The following TTC23L variants were observed in gnomAD, a reference collection of about 807,000 sequenced individuals.
TTC23L encodes the protein tetratricopeptide repeat protein 23-like.
Under a neutral mutation model 48.1 loss-of-function variants are expected in TTC23L, and 42 were observed. That is an observed-to-expected ratio of 0.87 (90% CI 0.68 to 1.13). The LOEUF is 1.13. TTC23L is among the 50% of genes most tolerant of loss of function. The probability of loss-of-function intolerance (pLI) is 0.00; values close to 1 mark genes in which losing one functional copy is unlikely to be tolerated. For missense variants in TTC23L, 391 were observed against 421.0 expected (o/e 0.93, Z 0.62); for synonymous variants, 159 against 157.2 (o/e 1.01, Z -0.09).
At chr5:34,845,742 C>A (rs1237213246) in intron 3 of TTC23L, 69 bp downstream of exon 3, 2 of 1,431,332 alleles carry the variant, frequency 1.4e-6, no homozygotes, top group Non-Finnish European at 1.9e-6. Context: ...GAAGCTTTGC[C>A]TTCGATGCAG....
exon 9 of TTC23L, chr5:34,880,280 A>T: frequency 6.2e-7 from 1 of 1,612,698 alleles, no homozygotes; most frequent in South Asian, 1.1e-5. Context: ...GAATTTTGCA[A>T]ATGGCTTGTC....
the TTC23L span, among the ~76,000 whole-genome samples, chr5:34,911,326 T>C: frequency 6.6e-6 from 1 of 152,194 alleles, no homozygotes. Flanking sequence ...ATTAGAGGAC[T>C]GGGCTTCTCA....
At chr5:34,919,798 C>A in the TTC23L span, 1 of 639,572 alleles carries the variant, frequency 1.6e-6, no homozygotes, top group South Asian at 2.4e-5. Context: ...ACTTTGAAAT[C>A]ACCTTTAATT....
At chr5:34,899,688 A>C (rs995328346), downstream of TTC23L, among the ~76,000 whole-genome samples, 6 of 152,184 alleles carry the variant, frequency 3.9e-5, no homozygotes, top group Non-Finnish European at 7.3e-5. Context: ...CAGGAGATTG[A>C]GACCATCCTG....
At chr5:34,840,555 G>T (rs1758564084) in intron 1 of TTC23L, 110 bp from the exon 2 acceptor site, 1 of 875,194 alleles carries the variant, frequency 1.1e-6, no homozygotes, top group African/African-American at 1.7e-5. Flanking sequence ...TTTAGGATGG[G>T]TTATATATTT....
At chr5:34,915,648 G>A in the TTC23L span, 6 of 1,432,486 alleles carry the variant, frequency 4.2e-6, no homozygotes, top group Admixed American at 8.6e-5. Flanking sequence ...CCGCGGAGCT[G>A]AGCGCTTAGA....
the TTC23L span, chr5:34,915,770 G>T: frequency 1.6e-4 from 250 of 1,603,182 alleles, no homozygotes; most frequent in African/African-American, 3.0e-3. Context: ...CGGCGTGGAG[G>T]CTTTGCAGTT....
chr5:34,883,293 T>C (rs1341876758), intron 9 of TTC23L: 3 of 154,324 alleles, frequency 1.9e-5, no homozygotes, highest in African/African-American at 7.2e-5. Context: ...CAACCCAAGA[T>C]TTTTGACAAG....
At chr5:34,925,354 T>C in the TTC23L span, 2 of 1,614,046 alleles carry the variant, frequency 1.2e-6, no homozygotes, top group Non-Finnish European at 1.7e-6. Flanking sequence ...CAGATGTTTT[T>C]GTAACACCAG....
intron 2 of TTC23L, among the ~76,000 whole-genome samples, chr5:34,842,153 A>G (rs1425566302): frequency 6.6e-6 from 1 of 152,256 alleles, no homozygotes; most frequent in Non-Finnish European, 1.5e-5. Flanking sequence ...AATGAAACAC[A>G]TGAATTTAAT....
intron 4 of TTC23L, among the ~76,000 whole-genome samples, chr5:34,853,601 G>T (rs1759868276): frequency 6.6e-6 from 1 of 152,082 alleles, no homozygotes; most frequent in Non-Finnish European, 1.5e-5. Context: ...GAATGGGTAG[G>T]GTAAAGGGGG....
chr5:34,923,855 C>G, the TTC23L span, among the ~76,000 whole-genome samples: 1 of 152,174 alleles, frequency 6.6e-6, no homozygotes, highest in South Asian at 2.1e-4. Flanking sequence ...TGAGCTCTAC[C>G]TACTTCTATT....
rs761711273 is a variant in TTC23L, at chr5:34,880,306, CA to C, written c.1076del (p.Gln359ArgfsTer28). 2 of 1,607,550 alleles carry C rather than the reference CA, an allele frequency of 1.2e-6. No individual in the cohort carries two copies. The highest frequency in any genetic ancestry group is 1.1e-5 in the South Asian group (1 of 89,518). On this transcript the variant is annotated frameshift_variant and splice_region_variant, in exon 9 of 11. Transcript: ENST00000505624. LOFTEE classifies it high-confidence loss of function. Reference sequence around the variant, plus strand: ...ATGGCTTGTCCAAAATGGAGAAAAACAGGTAAATATGATCAATGCATAAACA... The same window carrying C: ...ATGGCTTGTCCAAAATGGAGAAAAACGGTAAATATGATCAATGCATAAACA...
chr5:34,914,800 C>G, the TTC23L span: 3 of 1,614,224 alleles, frequency 1.9e-6, no homozygotes, highest in South Asian at 2.2e-5. Flanking sequence ...GAATAGCTTT[C>G]AAGATAGTGG....
At chr5:34,852,571 T>C (rs1580429320) in intron 4 of TTC23L, among the ~76,000 whole-genome samples, 1 of 152,078 alleles carries the variant, frequency 6.6e-6, no homozygotes. Context: ...GATGAGGGCA[T>C]TGGGTATGGC....
chr5:34,840,762 A>C (rs1227546297), intron 2 of TTC23L, 23 bp downstream of exon 2: 6 of 1,607,140 alleles, frequency 3.7e-6, no homozygotes, highest in Non-Finnish European at 5.1e-6. Context: ...GCATTTTGAC[A>C]TCACAGGTAC....
intron 8 of TTC23L, among the ~76,000 whole-genome samples, chr5:34,879,137 C>CA (rs1415301107): frequency 6.6e-6 from 1 of 152,148 alleles, no homozygotes; most frequent in Admixed American, 6.5e-5. Flanking sequence ...TGGGTGCTAA[C>CA]AAATGTGTGC....
At chr5:34,890,588 C>A (rs114591125) in intron 9 of TTC23L, among the ~76,000 whole-genome samples, 3 of 151,754 alleles carry the variant, frequency 2.0e-5, no homozygotes, top group African/African-American at 7.3e-5. Flanking sequence ...TTTGAGTATA[C>A]GTATGAGGAT....
intron 9 of TTC23L, among the ~76,000 whole-genome samples, chr5:34,885,168 G>T (rs1762470800): frequency 6.6e-6 from 1 of 152,186 alleles, no homozygotes; most frequent in Non-Finnish European, 1.5e-5. Context: ...TTTGCTGAAA[G>T]ACAATTAGCC....
Sources: allele counts gnomAD v4.1 joint callset (sites outside exome capture counted in the v4.1 genomes callset), GRCh38; gene constraint gnomAD v4.1.1; transcripts MANE v1.5; gene names NCBI Gene and HGNC (gene_info 2026-07-23, HGNC 2026-07-21).